The following SLC25A27 variants were observed in gnomAD, a reference collection of about 807,000 sequenced individuals.
SLC25A27 encodes the protein solute carrier family 25 member 27.
Under a neutral mutation model 49.1 loss-of-function variants are expected in SLC25A27, and 35 were observed. The ratio of observed to expected loss-of-function variants is 0.71; its 90% CI spans 0.54 to 0.95. The LOEUF (loss-of-function observed/expected upper bound fraction) is 0.95. Ranked by LOEUF, SLC25A27 falls within the 40% of genes least tolerant of loss-of-function variation. The pLI is 0.00. For synonymous variants in SLC25A27, 144 were observed against 136.9 expected (o/e 1.05, Z -0.36); for missense variants, 339 against 397.1 (o/e 0.85, Z 1.24).
intron 1 of SLC25A27, chr6:46,653,506 A>G: frequency 2.0e-6 from 2 of 985,446 alleles, no homozygotes; most frequent in Non-Finnish European, 2.4e-6. Context: ...AATCTCTTCT[A>G]ATGCTTCCCT....
intron 3 of SLC25A27, among the ~76,000 whole-genome samples, chr6:46,660,054 C>A: frequency 6.6e-6 from 1 of 152,068 alleles, no homozygotes; most frequent in East Asian, 1.9e-4. Flanking sequence ...TCACTGGCTT[C>A]TAATCACCCA....
chr6:46,659,651 C>G (rs967496530), intron 3 of SLC25A27, among the ~76,000 whole-genome samples: 4 of 151,932 alleles, frequency 2.6e-5, no homozygotes, highest in African/African-American at 9.7e-5. Context: ...GTCAGGAGTT[C>G]GAGACCAGCC....
At chr6:46,658,841 G>A (rs752214067) in intron 2 of SLC25A27, 121 bp from the exon 3 acceptor site, 3 of 775,234 alleles carry the variant, frequency 3.9e-6, no homozygotes, top group Non-Finnish European at 2.3e-6. Flanking sequence ...GGCCCCATGA[G>A]ACAAAGACAC....
intron 3 of SLC25A27, among the ~76,000 whole-genome samples, chr6:46,661,082 G>T (rs969474662): frequency 6.6e-6 from 1 of 152,168 alleles, no homozygotes; most frequent in African/African-American, 2.4e-5. Flanking sequence ...CCGTCATTCA[G>T]CTTACAGTAA....
chr6:46,653,062 A>G lies in SLC25A27; in HGVS notation c.-131A>G, dbSNP rs747527631. 72 of 842,832 alleles carry G rather than the reference A, an allele frequency of 8.5e-5. No individual in the cohort carries two copies. The highest frequency in any genetic ancestry group is 8.1e-4 in the Middle Eastern group (3 of 3,720). 52.2% of individuals were successfully genotyped at this position (842,832 alleles called of 1,614,324 possible). A position where few individuals can be genotyped will look rare whatever the true frequency, so the allele number is the denominator to read the frequency against. On this transcript the variant is annotated 5_prime_UTR_variant, in exon 1 of 9. Coordinates refer to ENST00000371347, the MANE Select transcript of SLC25A27 (RefSeq NM_004277.5). ...GTTGCGGGTCCACCCGGCCGAGCCG[A>G]ACGAGGGAAATGGTCCTCACCCGGC...
In SLC25A27 at chr6:46,658,729, A is replaced by G; in HGVS notation, c.299-233A>G. 5.6e-6 allele frequency: 3 copies of G among 532,548 alleles called. No individual in the cohort carries two copies. The African/African-American group carries it at 5.8e-5, about 10-fold the overall frequency. 33.0% of individuals were successfully genotyped at this position (532,548 alleles called of 1,614,324 possible). A position where few individuals can be genotyped will look rare whatever the true frequency, so the allele number is the denominator to read the frequency against. ...GATGTTAGTAAAGCAGAGAAGGGAGAATTCATTCTAGAAAGATCAGACAGT... is the reference window on the plus strand; with the variant it reads ...GATGTTAGTAAAGCAGAGAAGGGAGGATTCATTCTAGAAAGATCAGACAGT... On this transcript the variant is annotated intron_variant, in intron 2 of 8. Transcript: ENST00000371347.
chr6:46,658,671 C>A, intron 2 of SLC25A27: 1 of 415,172 alleles, frequency 2.4e-6, no homozygotes, highest in African/African-American at 2.1e-5. Context: ...TTCTGAAAAA[C>A]ATGTTTTTGA....
chr6:46,663,173 C>T (rs1265360356), intron 4 of SLC25A27, among the ~76,000 whole-genome samples: 4 of 152,124 alleles, frequency 2.6e-5, no homozygotes, highest in Non-Finnish European at 1.5e-5. Context: ...TTAGTTTCCC[C>T]TGGGAAAGGG....
intron 5 of SLC25A27, among the ~76,000 whole-genome samples, chr6:46,665,792 GC>G (rs1763307691): frequency 6.6e-6 from 1 of 152,084 alleles, no homozygotes; most frequent in South Asian, 2.1e-4. Flanking sequence ...CTGGACCACT[GC>G]CACAGCCATC....
At position 46,653,210 on chromosome 6, in the gene SLC25A27, G is replaced by A; in HGVS notation, c.18G>A (p.Glu6=). MSVPE[E]EERLLPLTQR... is the part of the protein sequence containing the mutation. ...ACTGCTGAATGTCCGTCCCGGAGGA[G>A]GAGGAGAGGCTTTTGCCGCTGACCC... Residue 6 remains glutamate, a synonymous_variant, in exon 1 of 9, where the codon GAG becomes GAA. Coordinates refer to ENST00000371347, the MANE Select transcript of SLC25A27 (RefSeq NM_004277.5). The A allele has an allele frequency of 1.2e-6, 2 of 1,613,504 alleles. No homozygotes were observed. The highest frequency in any genetic ancestry group is 4.5e-5 in the East Asian group (2 of 44,860).
In SLC25A27 at chr6:46,676,915, A is replaced by G. The variant is rs1309125162; in HGVS notation, c.*461A>G. Reference sequence around the variant, plus strand: ...TGTCAGTATTTATCAATGAAGTTTGATAATTCACTTTTCTGTCATTGTTAA... The same window carrying G: ...TGTCAGTATTTATCAATGAAGTTTGGTAATTCACTTTTCTGTCATTGTTAA... On this transcript the variant is annotated 3_prime_UTR_variant, in exon 9 of 9. Transcript: ENST00000371347. 5.9e-6 allele frequency: 3 copies of G among 509,720 alleles called. No individual in the cohort carries two copies. The highest frequency in any genetic ancestry group is 6.9e-6 in the Non-Finnish European group (2 of 288,610). The allele number at this position is 509,720 out of a possible 1,614,324, so 31.6% of individuals were successfully genotyped here.
At chr6:46,658,365 C>T in intron 2 of SLC25A27, 9 of 208,754 alleles carry the variant, frequency 4.3e-5, no homozygotes, top group South Asian at 6.1e-5. Context: ...GCTTTGCATC[C>T]CATTATTATT....
chr6:46,668,733 A>C lies in SLC25A27; in HGVS notation c.644A>C (p.Lys215Thr), dbSNP rs1200940333. 1.9e-6 allele frequency: 3 copies of C among 1,606,552 alleles called. No homozygotes were observed. In the African/African-American group the frequency reaches 4.0e-5, roughly 21 times the overall value. Residue 215 changes from lysine (K) to threonine (T), a missense_variant, in exon 6 of 9, where the codon AAA becomes ACA. Lys to Thr is a moderately conservative substitution (Grantham distance 78, BLOSUM62 -1). Coordinates refer to ENST00000371347, the MANE Select transcript of SLC25A27 (RefSeq NM_004277.5). ...MGDLTTYDTV[K>T]HYLVLNTPLE... Reference sequence around the variant, plus strand: ...GATTTAACCACTTATGATACAGTGAAACACTACTTGGTATTGAATACACCA... The same window carrying C: ...GATTTAACCACTTATGATACAGTGACACACTACTTGGTATTGAATACACCA...
intron 8 of SLC25A27, among the ~76,000 whole-genome samples, chr6:46,672,825 T>C (rs1328120763): frequency 6.6e-6 from 1 of 152,112 alleles, no homozygotes; most frequent in East Asian, 1.9e-4. Flanking sequence ...AGGTTTAGAT[T>C]TGAGCATTTT....
chr6:46,661,478 C>G (rs1360863657), intron 3 of SLC25A27, among the ~76,000 whole-genome samples: 3 of 152,168 alleles, frequency 2.0e-5, no homozygotes, highest in African/African-American at 7.2e-5. Context: ...ATAGGGATAG[C>G]CTTTAAGATA....
At chr6:46,664,731 A>G in intron 4 of SLC25A27, 43 bp from the exon 5 acceptor site, 1 of 1,100,170 alleles carries the variant, frequency 9.1e-7, no homozygotes, top group Non-Finnish European at 1.3e-6. Context: ...TTTCATACAC[A>G]GGAATACATG....
At chr6:46,657,492 A>T (rs1445391541) in intron 2 of SLC25A27, among the ~76,000 whole-genome samples, 1 of 152,170 alleles carries the variant, frequency 6.6e-6, no homozygotes, top group Non-Finnish European at 1.5e-5. Flanking sequence ...AAATAAATTT[A>T]AAAAGTTAGA....
chr6:46,667,401 C>T (rs1763360515), intron 5 of SLC25A27, among the ~76,000 whole-genome samples: 1 of 152,122 alleles, frequency 6.6e-6, no homozygotes, highest in South Asian at 2.1e-4. Flanking sequence ...CTATTAAGTT[C>T]CAGTAAGAAC....
chr6:46,674,478 T>C (rs566389699), intron 8 of SLC25A27, among the ~76,000 whole-genome samples: 4 of 152,128 alleles, frequency 2.6e-5, no homozygotes, highest in Non-Finnish European at 4.4e-5. Flanking sequence ...TGAAGAGACA[T>C]TCCTAGCAGT....
Sources: allele counts gnomAD v4.1 joint callset (sites outside exome capture counted in the v4.1 genomes callset), GRCh38; gene constraint gnomAD v4.1.1; transcripts MANE v1.5; gene names NCBI Gene and HGNC (gene_info 2026-07-23, HGNC 2026-07-21).